ACACA: variants seen among roughly 807,000 people sequenced by gnomAD.
ACACA encodes acetyl-CoA carboxylase alpha, also known as acetyl-CoA carboxylase 1.
In ACACA, 103 loss-of-function variants were observed where a neutral mutation model predicts 296.1. The ratio of observed to expected loss-of-function variants is 0.35; its 90% CI spans 0.30 to 0.41. The LOEUF (loss-of-function observed/expected upper bound fraction) is 0.41, where lower values mean the gene tolerates loss of function less well. Among genes scored for constraint, ACACA ranks in the 10% least tolerant of loss-of-function variants. The probability of loss-of-function intolerance (pLI) is 1.00; values close to 1 mark genes in which losing one functional copy is unlikely to be tolerated. For missense variants in ACACA, 1,554 were observed against 2,989.7 expected, an observed-to-expected ratio of 0.52 and a Z score of 11.20; for synonymous variants, 953 against 1,038.6, an observed-to-expected ratio of 0.92 and a Z score of 1.58.
chr17:37,360,848 T>G (rs549980258), intron 1 of ACACA, among the ~76,000 whole-genome samples: 1 of 152,198 alleles, frequency 6.6e-6, no homozygotes, highest in Non-Finnish European at 1.5e-5. Flanking sequence ...CCTGGTTTAG[T>G]AAGATGTTTG....
intron 2 of ACACA, among the ~76,000 whole-genome samples, chr17:37,331,554 C>T (rs564091529): frequency 4.2e-4 from 64 of 152,140 alleles, no homozygotes; most frequent in African/African-American, 1.3e-3. Flanking sequence ...ATTACAGGTA[C>T]CCACCACCAT....
chr17:37,171,173 T>G (rs2076870187), intron 41 of ACACA, among the ~76,000 whole-genome samples: 2 of 152,174 alleles, frequency 1.3e-5, no homozygotes, highest in African/African-American at 4.8e-5. Context: ...GATCTTGAGT[T>G]TTTTTTGGAA....
chr17:37,374,275 C>CT (rs1048769668), intron 1 of ACACA, among the ~76,000 whole-genome samples: 1 of 150,790 alleles, frequency 6.6e-6, no homozygotes, highest in Admixed American at 6.6e-5. Flanking sequence ...TCTTTATTCT[C>CT]TTTTTTTTCT....
At chr17:37,394,985 G>A (rs1011697634) in intron 1 of ACACA, among the ~76,000 whole-genome samples, 1 of 151,874 alleles carries the variant, frequency 6.6e-6, no homozygotes, top group Non-Finnish European at 1.5e-5. Flanking sequence ...AAGAATAAAA[G>A]TAATACCTAA....
At chr17:37,293,233 C>A (rs181146763) in intron 3 of ACACA, among the ~76,000 whole-genome samples, 478 of 152,284 alleles carry the variant, frequency 3.1e-3, no homozygotes, top group Non-Finnish European at 5.0e-3. Context: ...CTTTTCAAAT[C>A]TGTAATTTGA....
intron 46 of ACACA, 95 bp from the exon 47 acceptor site, chr17:37,129,580 C>T: frequency 1.3e-6 from 2 of 1,530,104 alleles, no homozygotes; most frequent in East Asian, 2.3e-5. Flanking sequence ...CAGCAGGGCC[C>T]ACGTATGGAA....
Position 37,100,311 on chromosome 17 carries a change from G to T in ACACA, c.6566-2327C>A, listed in dbSNP as rs1481646170. 5.3e-5 allele frequency among the ~76,000 whole-genome samples: 8 copies of T among 152,184 alleles called. No individual in the cohort carries two copies. In the East Asian group the frequency reaches 1.5e-3, roughly 29 times the overall value. On this transcript the variant is annotated intron_variant, in intron 52 of 55. Coordinates refer to ENST00000616317, the MANE Select transcript of ACACA (RefSeq NM_198834.3). ...CAAAGGGGAAAATGGTAACTTTATCGTGGATTAACCTAGTGAACAACACCT... is the reference window on the plus strand; with the variant it reads ...CAAAGGGGAAAATGGTAACTTTATCTTGGATTAACCTAGTGAACAACACCT...
intron 3 of ACACA, among the ~76,000 whole-genome samples, chr17:37,294,124 GAA>G (rs202223427): frequency 2.8e-5 from 4 of 143,066 alleles, no homozygotes; most frequent in Admixed American, 7.0e-5. Flanking sequence ...CTCATTCGTT[GAA>G]AAAAAAAAAG....
chr17:37,134,265 C>G lies in ACACA; in HGVS notation c.5680-4047G>C, dbSNP rs540098054. On this transcript the variant is annotated intron_variant, in intron 45 of 55. Coordinates refer to ENST00000616317, the MANE Select transcript of ACACA (RefSeq NM_198834.3). Reference sequence around the variant, plus strand: ...CAATGAAAACAGCCTAATATACCGCCTGCTCTCTCCCTTAAAGCCCTTTTT... The same window carrying G: ...CAATGAAAACAGCCTAATATACCGCGTGCTCTCTCCCTTAAAGCCCTTTTT... Among the ~76,000 whole-genome samples, 33 of 152,304 alleles carry G rather than the reference C, an allele frequency of 2.2e-4. 1 individual carries two copies. The highest frequency in any genetic ancestry group is 1.2e-3 in the South Asian group (6 of 4,826).
In ACACA at chr17:37,146,052, A is replaced by ATG. The variant is rs907222725; in HGVS notation, c.5679+3810_5679+3811dup. Among the ~76,000 whole-genome samples, 5 of 152,242 alleles carry ATG rather than the reference A, an allele frequency of 3.3e-5. 1 individual carries two copies. The highest frequency in any genetic ancestry group is 1.2e-4 in the African/African-American group (5 of 41,462). On this transcript the variant is annotated intron_variant, in intron 45 of 55. Coordinates refer to ENST00000616317, the MANE Select transcript of ACACA (RefSeq NM_198834.3). ...AAAGGATGGCGTCCATGAATAAAAC[A>ATG]TGTAAGTATACAGAAAAACCACCAA...
intron 45 of ACACA, among the ~76,000 whole-genome samples, chr17:37,133,596 A>G (rs901316290): frequency 1.3e-5 from 2 of 152,206 alleles, no homozygotes; most frequent in Non-Finnish European, 2.9e-5. Flanking sequence ...CTTCTACAGA[A>G]AAACCTGGGG....
intron 42 of ACACA, among the ~76,000 whole-genome samples, chr17:37,158,350 T>C (rs1297873461): frequency 1.3e-5 from 2 of 152,140 alleles, no homozygotes; most frequent in African/African-American, 4.8e-5. Flanking sequence ...TGGATGAGGC[T>C]GGGTGCGGTG....
At chr17:37,379,314 C>G (rs1317211074) in intron 1 of ACACA, 1 of 1,613,974 alleles carries the variant, frequency 6.2e-7, no homozygotes, top group Non-Finnish European at 8.5e-7. Flanking sequence ...AGAAACAGCT[C>G]TGCCTCCTCA....
intron 16 of ACACA, among the ~76,000 whole-genome samples, chr17:37,250,976 G>A (rs150507024): frequency 0.01 from 1,538 of 152,226 alleles, 20 homozygotes; most frequent in African/African-American, 0.035. Context: ...GCAGCGAGCC[G>A]AGATTGCGCC....
intron 1 of ACACA, among the ~76,000 whole-genome samples, chr17:37,397,201 A>G (rs996861342): frequency 6.6e-6 from 1 of 152,152 alleles, no homozygotes; most frequent in East Asian, 1.9e-4. Flanking sequence ...CCATGTCCCT[A>G]CAAAGGACAT....
At chr17:37,215,972 G>A (rs1355899448) in intron 29 of ACACA, among the ~76,000 whole-genome samples, 2 of 151,542 alleles carry the variant, frequency 1.3e-5, no homozygotes, top group Admixed American at 6.6e-5. Context: ...TAGACTAGTT[G>A]CCCTGAATAT....
chr17:37,190,742 A>T (rs2077720223), intron 38 of ACACA, among the ~76,000 whole-genome samples: 1 of 152,236 alleles, frequency 6.6e-6, no homozygotes, highest in Non-Finnish European at 1.5e-5. Context: ...TAATTTAGCC[A>T]AAATGCTTAG....
chr17:37,278,836 C>T (rs891611434), intron 5 of ACACA, among the ~76,000 whole-genome samples: 1 of 152,174 alleles, frequency 6.6e-6, no homozygotes, highest in African/African-American at 2.4e-5. Flanking sequence ...CAAGCATCCA[C>T]CATTATTTAC....
chr17:37,177,031 CTG>C (rs10568449), intron 41 of ACACA, among the ~76,000 whole-genome samples: 2,789 of 152,204 alleles, frequency 0.018, 56 homozygotes, highest in Middle Eastern at 0.054. Context: ...GGAGGGAAAA[CTG>C]TAGAACAAGA....
Sources: allele counts gnomAD v4.1 joint callset (sites outside exome capture counted in the v4.1 genomes callset), GRCh38; gene constraint gnomAD v4.1.1; transcripts MANE v1.5; gene names NCBI Gene and HGNC (gene_info 2026-07-23, HGNC 2026-07-21).